Variants in PCED1B observed in about 807,000 individuals in gnomAD.
PCED1B encodes the protein PC-esterase domain containing 1B, also known as PC-esterase domain-containing protein 1B.
For missense variants in PCED1B, 573 were observed against 573.9 expected (o/e 1.00, Z 0.02); for synonymous variants, 251 against 246.1 (o/e 1.02, Z -0.19).
intron 2 of PCED1B, among the ~76,000 whole-genome samples, chr12:47,130,466 T>G (rs1940078866): frequency 6.6e-6 from 1 of 152,098 alleles, no homozygotes; most frequent in Admixed American, 6.5e-5. Flanking sequence ...CACTTAAGGT[T>G]AGGAGTTTGA....
chr12:47,138,949 T>C (rs1940489558), intron 2 of PCED1B, among the ~76,000 whole-genome samples: 1 of 152,226 alleles, frequency 6.6e-6, no homozygotes, highest in South Asian at 2.1e-4. Context: ...TTCTTGCTTC[T>C]ACCTCCTTTT....
chr12:47,157,097 G>A (rs1315038845), intron 2 of PCED1B, among the ~76,000 whole-genome samples: 1 of 151,998 alleles, frequency 6.6e-6, no homozygotes, highest in Non-Finnish European at 1.5e-5. Context: ...ACAAACATCA[G>A]GTACACAGAG....
intron 2 of PCED1B, among the ~76,000 whole-genome samples, chr12:47,106,705 G>A (rs928531977): frequency 6.6e-6 from 1 of 151,930 alleles, no homozygotes; most frequent in African/African-American, 2.4e-5. Context: ...CCTCCTCCCC[G>A]CTTCTCTATC....
intron 2 of PCED1B, among the ~76,000 whole-genome samples, chr12:47,192,952 G>A (rs74787668): frequency 6.6e-4 from 101 of 152,110 alleles, no homozygotes; most frequent in African/African-American, 2.3e-3. Flanking sequence ...CTTTCCTCAC[G>A]TCTACATGAG....
intron 3 of PCED1B, among the ~76,000 whole-genome samples, chr12:47,231,811 A>C (rs1032090109): frequency 6.6e-6 from 1 of 152,206 alleles, no homozygotes; most frequent in African/African-American, 2.4e-5. Context: ...ATTAGGGCAC[A>C]GATTACGGCC....
At chr12:47,080,275 C>A (rs972876259) in intron 1 of PCED1B, among the ~76,000 whole-genome samples, 1 of 152,138 alleles carries the variant, frequency 6.6e-6, no homozygotes, top group Admixed American at 6.5e-5. Context: ...GGGGACACGC[C>A]CAGCCACCGA....
intron 2 of PCED1B, among the ~76,000 whole-genome samples, chr12:47,111,208 C>T (rs1939180300): frequency 6.6e-6 from 1 of 152,104 alleles, no homozygotes. Context: ...ACATAAAGAT[C>T]AGAACAACAT....
At chr12:47,104,850 C>T (rs1266073645) in intron 2 of PCED1B, among the ~76,000 whole-genome samples, 2 of 152,194 alleles carry the variant, frequency 1.3e-5, no homozygotes, top group Non-Finnish European at 2.9e-5. Context: ...TGCCTCCAAT[C>T]CCAGGCCCCA....
chr12:47,106,966 G>A (rs1449666543), intron 2 of PCED1B, among the ~76,000 whole-genome samples: 6 of 152,118 alleles, frequency 3.9e-5, no homozygotes, highest in African/African-American at 1.4e-4. Flanking sequence ...CTCTGGACAG[G>A]GGATGCCCCA....
chr12:47,085,339 T>A (rs1937928989), intron 1 of PCED1B, among the ~76,000 whole-genome samples: 1 of 152,232 alleles, frequency 6.6e-6, no homozygotes, highest in Non-Finnish European at 1.5e-5. Flanking sequence ...AGCACTGCCC[T>A]GGGCAGACAC....
At chr12:47,198,773 C>T (rs1415528652) in intron 2 of PCED1B, among the ~76,000 whole-genome samples, 7 of 151,716 alleles carry the variant, frequency 4.6e-5, no homozygotes, top group African/African-American at 1.7e-4. Context: ...GAGACCAGCC[C>T]GGCTAACATG....
At position 47,216,254 on chromosome 12, in the gene PCED1B, G is replaced by A. The variant is rs1460493966; in HGVS notation, c.-493G>A. 6.6e-6 allele frequency: 1 copy of A among 152,064 alleles called. No individual in the cohort carries two copies. Among genetic ancestry groups the A allele is most frequent in the Non-Finnish European group, 1.5e-5 (1 of 68,036 alleles). 9.4% of individuals were successfully genotyped at this position (152,064 alleles called of 1,614,324 possible). A position where few individuals can be genotyped will look rare whatever the true frequency, so the allele number is the denominator to read the frequency against. On this transcript the variant is annotated 5_prime_UTR_variant, in exon 3 of 4. Transcript: ENST00000546455. ...CATACCACACCAGCAAGAACAATAAGAGCCAAGGGTCTGAATTGTTTAATC... is the reference window on the plus strand; with the variant it reads ...CATACCACACCAGCAAGAACAATAAAAGCCAAGGGTCTGAATTGTTTAATC...
chr12:47,090,118 C>T lies in PCED1B; in HGVS notation c.-609+10393C>T, dbSNP rs555027269. On this transcript the variant is annotated intron_variant, in intron 1 of 3. Transcript: ENST00000546455. Reference sequence around the variant, plus strand: ...AATACCATGGCCTCATGATTCTGCTCAAATCAGAAAATTGCCCTTTCTATT... The same window carrying T: ...AATACCATGGCCTCATGATTCTGCTTAAATCAGAAAATTGCCCTTTCTATT... 3.3e-5 allele frequency among the ~76,000 whole-genome samples: 5 copies of T among 152,320 alleles called. No individual in the cohort carries two copies. The East Asian group carries it at 7.7e-4, about 24-fold the overall frequency.
chr12:47,149,801 T>A (rs1375140974), intron 2 of PCED1B, among the ~76,000 whole-genome samples: 1 of 152,202 alleles, frequency 6.6e-6, no homozygotes, highest in Non-Finnish European at 1.5e-5. Flanking sequence ...AACATTCTAA[T>A]GAATAGACTA....
At chr12:47,190,582 G>A (rs1309571139) in intron 2 of PCED1B, among the ~76,000 whole-genome samples, 1 of 152,220 alleles carries the variant, frequency 6.6e-6, no homozygotes, top group African/African-American at 2.4e-5. Context: ...TGGGATACCT[G>A]TGACTCATTT....
At chr12:47,190,852 G>A (rs1042060076) in intron 2 of PCED1B, among the ~76,000 whole-genome samples, 9 of 152,186 alleles carry the variant, frequency 5.9e-5, no homozygotes, top group Non-Finnish European at 1.3e-4. Flanking sequence ...TAACTGGGGG[G>A]CTTTTACGAG....
intron 1 of PCED1B, among the ~76,000 whole-genome samples, chr12:47,100,848 A>T (rs896855270): frequency 1.3e-5 from 2 of 152,166 alleles, no homozygotes; most frequent in Non-Finnish European, 2.9e-5. Flanking sequence ...GGGGCAGATC[A>T]TCTGAGATCA....
chr12:47,081,013 C>T (rs967031122), intron 1 of PCED1B, among the ~76,000 whole-genome samples: 4 of 152,168 alleles, frequency 2.6e-5, no homozygotes, highest in Non-Finnish European at 5.9e-5. Context: ...AGGTGCAAGC[C>T]GAACAAGGCC....
chr12:47,153,184 C>G (rs574499893), intron 2 of PCED1B, among the ~76,000 whole-genome samples: 5 of 151,296 alleles, frequency 3.3e-5, no homozygotes, highest in Admixed American at 3.3e-4. Context: ...CCTGTCTCTA[C>G]TGAAAATACA....
Sources: gnomAD v4.1 joint callset for allele counts (sites outside exome capture counted in the v4.1 genomes callset) on GRCh38, gnomAD v4.1.1 for gene constraint, MANE v1.5 for transcripts, NCBI Gene and HGNC (gene_info 2026-07-23, HGNC 2026-07-21) for gene names.